Variants in ZMAT4 observed in about 807,000 individuals in gnomAD.
ZMAT4 encodes the protein zinc finger matrin-type protein 4.
A neutral mutation model predicts 28.7 loss-of-function variants in ZMAT4; 17 were observed. The ratio of observed to expected loss-of-function variants is 0.59; its 90% confidence interval spans 0.41 to 0.89. ZMAT4 has a LOEUF of 0.89. ZMAT4 is among the 40% of genes least tolerant of loss of function. The probability of loss-of-function intolerance (pLI) is 0.00; values close to 1 mark genes in which losing one functional copy is unlikely to be tolerated. For synonymous variants in ZMAT4, 117 were observed against 109.2 expected, an observed-to-expected ratio of 1.07 and a Z score of -0.44; for missense variants, 240 against 283.8, an observed-to-expected ratio of 0.85 and a Z score of 1.11.
intron 4 of ZMAT4, chr8:40,690,758 G>T: frequency 3.6e-6 from 1 of 278,378 alleles, no homozygotes; most frequent in Non-Finnish European, 5.4e-6. Context: ...AAGCAATTCT[G>T]TGTCTGGCAT....
At chr8:40,634,346 C>A (rs746049426) in intron 5 of ZMAT4, among the ~76,000 whole-genome samples, 5 of 152,118 alleles carry the variant, frequency 3.3e-5, no homozygotes, top group Admixed American at 1.3e-4. Flanking sequence ...GAACCTGATT[C>A]CTCTGTGTAT....
intron 3 of ZMAT4, among the ~76,000 whole-genome samples, chr8:40,703,113 C>T (rs1375190278): frequency 6.6e-6 from 1 of 152,114 alleles, no homozygotes; most frequent in Admixed American, 6.6e-5. Flanking sequence ...CCAGAGGTCT[C>T]CCAGACCTAA....
In ZMAT4 at chr8:40,589,971, C is replaced by CCCTT. The variant is rs1217316034; in HGVS notation, c.578-8714_578-8711dup. 6.2e-3 allele frequency among the ~76,000 whole-genome samples: 179 copies of CCCTT among 28,800 alleles called. 10 individuals carry two copies. The highest frequency in any genetic ancestry group is 0.024 in the African/African-American group (144 of 5,952). The allele number at this position is 28,800 out of a possible 152,430, so 18.9% of individuals were successfully genotyped here. A position where few individuals can be genotyped will look rare whatever the true frequency, so the allele number is the denominator to read the frequency against. ...TTCCTTCTTCCCTCCTTCCCTCCCT[C>CCCTT]CCTTCCTTCCTTCCTTCCTTCCTTC... On this transcript the variant is annotated intron_variant, in intron 5 of 6. Transcript: ENST00000297737.
intron 1 of ZMAT4, among the ~76,000 whole-genome samples, chr8:40,841,074 AG>A (rs963253596): frequency 3.3e-5 from 5 of 152,228 alleles, no homozygotes; most frequent in African/African-American, 4.8e-5. Flanking sequence ...GGCAAAAAGA[AG>A]AGCAACATCA....
intron 5 of ZMAT4, among the ~76,000 whole-genome samples, chr8:40,610,564 G>T (rs1805759376): frequency 1.3e-5 from 2 of 151,884 alleles, no homozygotes; most frequent in Admixed American, 6.6e-5. Context: ...ACCACTTAAG[G>T]GAAAATGAGT....
chr8:40,811,638 G>T lies in ZMAT4; in HGVS notation c.102+13937C>A, dbSNP rs575183803. On this transcript the variant is annotated intron_variant, in intron 2 of 6. Transcript: ENST00000297737. ...TTGCTTGTGCTAGTAAGGCATTGGAGGCAAACTAACTACCCATCCCTGAAG... is the reference window on the plus strand; with the variant it reads ...TTGCTTGTGCTAGTAAGGCATTGGATGCAAACTAACTACCCATCCCTGAAG... 2.4e-4 allele frequency among the ~76,000 whole-genome samples: 36 copies of T among 152,266 alleles called. No individual in the cohort carries two copies. In the East Asian group the frequency reaches 6.4e-3, roughly 27 times the overall value.
intron 6 of ZMAT4, among the ~76,000 whole-genome samples, chr8:40,559,763 A>G (rs1803670893): frequency 1.3e-5 from 2 of 152,138 alleles, no homozygotes; most frequent in Admixed American, 6.6e-5. Flanking sequence ...ACACAAAAAC[A>G]CACACACATG....
intron 6 of ZMAT4, among the ~76,000 whole-genome samples, chr8:40,559,160 A>G (rs1803648466): frequency 6.6e-6 from 1 of 152,068 alleles, no homozygotes; most frequent in Non-Finnish European, 1.5e-5. Flanking sequence ...CTACAACCAT[A>G]ACTATAGCTT....
chr8:40,742,163 G>A lies in ZMAT4; in HGVS notation c.192+25478C>T, dbSNP rs918334961. On this transcript the variant is annotated intron_variant, in intron 3 of 6. Coordinates refer to ENST00000297737, the MANE Select transcript of ZMAT4 (RefSeq NM_024645.3). Reference sequence around the variant, plus strand: ...GTCCCCAGCTACTCAAGAGGCTAAGGTGGGATCTCAGGAGGTAGAGGTTGC... The same window carrying A: ...GTCCCCAGCTACTCAAGAGGCTAAGATGGGATCTCAGGAGGTAGAGGTTGC... Among the ~76,000 whole-genome samples the A allele has an allele frequency of 3.9e-5, 6 of 151,916 alleles. No individual in the cohort carries two copies. The South Asian group carries it at 1.2e-3, about 32-fold the overall frequency.
chr8:40,620,811 G>A (rs1407503634), intron 5 of ZMAT4, among the ~76,000 whole-genome samples: 1 of 152,146 alleles, frequency 6.6e-6, no homozygotes, highest in South Asian at 2.1e-4. Context: ...TGTTGATGAA[G>A]ATCTGTTTAT....
Position 40,684,825 on chromosome 8 carries a change from C to T in ZMAT4, c.350-9894G>A, listed in dbSNP as rs148833694. 1.1e-4 allele frequency among the ~76,000 whole-genome samples: 16 copies of T among 152,200 alleles called. No individual in the cohort carries two copies. The South Asian group carries it at 1.7e-3, about 16-fold the overall frequency. On this transcript the variant is annotated intron_variant, in intron 4 of 6. Coordinates refer to ENST00000297737, the MANE Select transcript of ZMAT4 (RefSeq NM_024645.3). ...GAGCTGTGACTTTAGAATGAATTTA[C>T]GGAAGTTGGTGCTGTTCCATTCTGT...
chr8:40,565,592 G>T (rs1409714403), intron 6 of ZMAT4, among the ~76,000 whole-genome samples: 4 of 128,760 alleles, frequency 3.1e-5, no homozygotes, highest in Non-Finnish European at 6.9e-5. Context: ...TGGCCAGGCT[G>T]GTCTCGAACT....
intron 3 of ZMAT4, among the ~76,000 whole-genome samples, chr8:40,741,079 A>C (rs1396424044): frequency 6.6e-6 from 1 of 152,086 alleles, no homozygotes; most frequent in African/African-American, 2.4e-5. Context: ...AATAAACACA[A>C]AGAATAAAAT....
chr8:40,643,892 G>C (rs1266345455), intron 5 of ZMAT4, among the ~76,000 whole-genome samples: 1 of 151,762 alleles, frequency 6.6e-6, no homozygotes, highest in East Asian at 1.9e-4. Context: ...TTTAAACCAA[G>C]GTTGATAATT....
At chr8:40,593,696 G>A (rs762896895) in intron 5 of ZMAT4, among the ~76,000 whole-genome samples, 26 of 152,174 alleles carry the variant, frequency 1.7e-4, no homozygotes, top group Middle Eastern at 3.2e-3. Flanking sequence ...ACTAGGACTC[G>A]ACGTTGAGTC....
chr8:40,583,015 CGAA>C (rs1463518541), intron 5 of ZMAT4, among the ~76,000 whole-genome samples: 6 of 152,076 alleles, frequency 3.9e-5, no homozygotes, highest in Admixed American at 3.9e-4. Context: ...ACCACCAGTA[CGAA>C]GAAGAGACTG....
chr8:40,603,891 A>G (rs1002158077), intron 5 of ZMAT4, among the ~76,000 whole-genome samples: 1 of 152,080 alleles, frequency 6.6e-6, no homozygotes, highest in African/African-American at 2.4e-5. Context: ...TGGCCTCTCA[A>G]TCAGCAGTGT....
At chr8:40,817,779 A>T (rs1473774170) in intron 2 of ZMAT4, among the ~76,000 whole-genome samples, 1 of 152,178 alleles carries the variant, frequency 6.6e-6, no homozygotes, top group Non-Finnish European at 1.5e-5. Context: ...CACTCCTGTT[A>T]AGAGGGGATG....
At chr8:40,765,250 G>C (rs1440960448) in intron 3 of ZMAT4, among the ~76,000 whole-genome samples, 1 of 150,664 alleles carries the variant, frequency 6.6e-6, no homozygotes, top group Non-Finnish European at 1.5e-5. Context: ...TCAATTCTTA[G>C]GTATAAGCCT....
Sources: allele counts gnomAD v4.1 joint callset (sites outside exome capture counted in the v4.1 genomes callset), GRCh38; gene constraint gnomAD v4.1.1; transcripts MANE v1.5; gene names NCBI Gene and HGNC (gene_info 2026-07-23, HGNC 2026-07-21).